The following LOC400499 variants were observed in gnomAD, a reference collection of about 807,000 sequenced individuals.
At chr16:11,521,143 C>T in the LOC400499 span, among the ~76,000 whole-genome samples, 5 of 152,162 alleles carry the variant, frequency 3.3e-5, no homozygotes, top group African/African-American at 1.2e-4. Flanking sequence ...AGGCCCACTC[C>T]ATGAAAGACC....
chr16:11,447,771 A>G, the LOC400499 span, among the ~76,000 whole-genome samples: 90 of 152,156 alleles, frequency 5.9e-4, no homozygotes, highest in Non-Finnish European at 4.4e-4. Context: ...GGGAGCTTTC[A>G]GGGGAGGTGG....
At chr16:11,502,032 C>G in the LOC400499 span, 3 of 398,900 alleles carry the variant, frequency 7.5e-6, no homozygotes, top group Admixed American at 8.8e-5. Context: ...CAGGGATGCC[C>G]CCAGCCAGCT....
chr16:11,485,965 C>A, the LOC400499 span, among the ~76,000 whole-genome samples: 1 of 151,688 alleles, frequency 6.6e-6, no homozygotes, highest in Non-Finnish European at 1.5e-5. Flanking sequence ...GTGGGTATGT[C>A]CATGTATGGG....
At chr16:11,452,683 G>A in the LOC400499 span, among the ~76,000 whole-genome samples, 2 of 152,118 alleles carry the variant, frequency 1.3e-5, no homozygotes, top group Admixed American at 6.5e-5. Context: ...ATGAGGACAG[G>A]GCCAGGGCTG....
chr16:11,383,611 G>C, the LOC400499 span: 75 of 1,232,158 alleles, frequency 6.1e-5, no homozygotes, highest in Non-Finnish European at 7.3e-5. Context: ...TGCCAGACGG[G>C]GCAGAGTGCT....
the LOC400499 span, chr16:11,385,303 ATGTGT>A: frequency 8.1e-7 from 1 of 1,232,310 alleles, no homozygotes. Context: ...GTCAGCGAGA[ATGTGT>A]TGTGAGCAAA....
chr16:11,401,015 A>G, the LOC400499 span, among the ~76,000 whole-genome samples: 1 of 152,202 alleles, frequency 6.6e-6, no homozygotes, highest in Non-Finnish European at 1.5e-5. Flanking sequence ...CCTGTTTCCC[A>G]CATTAAAATG....
At chr16:11,498,432 A>C in the LOC400499 span, among the ~76,000 whole-genome samples, 2 of 152,190 alleles carry the variant, frequency 1.3e-5, no homozygotes, top group African/African-American at 2.4e-5. Flanking sequence ...CAGTGAGCCG[A>C]GATTGCGCCA....
the LOC400499 span, among the ~76,000 whole-genome samples, chr16:11,436,923 T>C: frequency 0.55 from 83,340 of 151,950 alleles, 23,311 homozygotes; most frequent in South Asian, 0.64. Flanking sequence ...TGCCTGGTGC[T>C]TCCTTAGATG....
the LOC400499 span, among the ~76,000 whole-genome samples, chr16:11,397,797 G>GAATGGATGCAT: frequency 1.4e-5 from 2 of 142,268 alleles, no homozygotes; most frequent in Non-Finnish European, 3.0e-5. Context: ...GAGGGAGGGA[G>GAATGGATGCAT]GGATGGACGG....
chr16:11,468,071 G>C, the LOC400499 span, among the ~76,000 whole-genome samples: 1 of 151,768 alleles, frequency 6.6e-6, no homozygotes, highest in Non-Finnish European at 1.5e-5. Context: ...GATCCTCCCT[G>C]ACAGCCTTCA....
chr16:11,417,286 T>C, the LOC400499 span, among the ~76,000 whole-genome samples: 2 of 152,172 alleles, frequency 1.3e-5, no homozygotes, highest in African/African-American at 2.4e-5. Context: ...GAGGGCAGTG[T>C]TGCAATCATA....
the LOC400499 span, among the ~76,000 whole-genome samples, chr16:11,461,501 G>A: frequency 3.2e-4 from 49 of 152,276 alleles, no homozygotes; most frequent in African/African-American, 1.1e-3. Context: ...GATTTCAGGC[G>A]TGAGACACTG....
chr16:11,519,319 G>C, the LOC400499 span, among the ~76,000 whole-genome samples: 2 of 152,186 alleles, frequency 1.3e-5, no homozygotes, highest in African/African-American at 4.8e-5. Flanking sequence ...ATGAGGACTT[G>C]GATATCCCAC....
At chr16:11,502,917 CTTTTTTTTT>C in the LOC400499 span, among the ~76,000 whole-genome samples, 1 of 98,048 alleles carries the variant, frequency 1.0e-5, no homozygotes, top group Non-Finnish European at 1.9e-5. Flanking sequence ...CCTGGACCAC[CTTTTTTTTT>C]TTTTTTTTTT....
chr16:11,431,239 G>C, the LOC400499 span: 1 of 399,080 alleles, frequency 2.5e-6, no homozygotes, highest in Non-Finnish European at 4.4e-6. Context: ...CCTAGGCAGC[G>C]AAGTAAGGGG....
the LOC400499 span, among the ~76,000 whole-genome samples, chr16:11,518,058 C>G: frequency 6.6e-6 from 1 of 152,134 alleles, no homozygotes; most frequent in Non-Finnish European, 1.5e-5. Flanking sequence ...GCCCACCACT[C>G]CCAGAATAGC....
chr16:11,497,621 G>A, the LOC400499 span, among the ~76,000 whole-genome samples: 5 of 152,318 alleles, frequency 3.3e-5, no homozygotes, highest in Non-Finnish European at 7.3e-5. Flanking sequence ...CTGGCAGAGA[G>A]CCCAGATCTG....
chr16:11,441,469 C>T, the LOC400499 span, among the ~76,000 whole-genome samples: 1 of 152,208 alleles, frequency 6.6e-6, no homozygotes, highest in African/African-American at 2.4e-5. Context: ...AAGGTCAAAG[C>T]TGTGCTAGAG....
Sources: gnomAD v4.1 joint callset for allele counts (sites outside exome capture counted in the v4.1 genomes callset) on GRCh38, gnomAD v4.1.1 for gene constraint, MANE v1.5 for transcripts.